C16orf89: variants seen among roughly 807,000 people sequenced by gnomAD.
C16orf89 encodes chromosome 16 open reading frame 89.
Under a neutral mutation model 41.5 loss-of-function variants are expected in C16orf89, and 57 were observed. The observed-to-expected ratio is 1.38, with a 90% confidence interval of 1.11 to 1.71. C16orf89 has a LOEUF of 1.71. C16orf89 is among the 40% of genes most tolerant of loss of function. C16orf89 has a pLI of 0.00. For synonymous variants in C16orf89, 223 were observed against 190.6 expected (o/e 1.17, Z -1.40); for missense variants, 575 against 445.9 (o/e 1.29, Z -2.61).
At chr16:5,060,624 AT>A (rs2142663918) in intron 2 of C16orf89, among the ~76,000 whole-genome samples, 188 bp from the exon 3 acceptor site, 2 of 152,104 alleles carry the variant, frequency 1.3e-5, no homozygotes, top group East Asian at 3.9e-4. Flanking sequence ...TTATAAAACC[AT>A]TTTTTCCCCT....
intron 4 of C16orf89, among the ~76,000 whole-genome samples, chr16:5,057,288 A>AAG (rs1235509539): frequency 1.6e-5 from 2 of 126,430 alleles, no homozygotes; most frequent in South Asian, 4.8e-4. Context: ...GTATATATAT[A>AAG]TGTGTATATA....
At chr16:5,053,432 A>G (rs1956433898) in intron 6 of C16orf89, among the ~76,000 whole-genome samples, 1 of 151,584 alleles carries the variant, frequency 6.6e-6, no homozygotes, top group Admixed American at 6.6e-5. Context: ...GATGGGGGAG[A>G]GGAGATAACC....
chr16:5,044,696 T>C (rs1471960363), intron 7 of C16orf89: 4 of 1,052,774 alleles, frequency 3.8e-6, no homozygotes, highest in Non-Finnish European at 5.3e-6. Context: ...ATATAAAAAT[T>C]AGCCAGGTAT....
intron 4 of C16orf89, among the ~76,000 whole-genome samples, chr16:5,058,036 C>T (rs527530973): frequency 2.0e-5 from 3 of 152,236 alleles, no homozygotes; most frequent in Non-Finnish European, 2.9e-5. Flanking sequence ...ACTTCTCCCT[C>T]CTGAGGTCCC....
Position 5,058,589 on chromosome 16 carries a change from G to T in C16orf89, c.531C>A (p.Cys177Ter), listed in dbSNP as rs778333338. 3.7e-6 allele frequency: 6 copies of T among 1,611,508 alleles called. No homozygotes were observed. Among genetic ancestry groups the T allele is most frequent in the South Asian group, 3.3e-5 (3 of 90,966 alleles). Residue 177 changes from cysteine to a stop codon, truncating the protein, a stop_gained, in exon 4 of 8, where the codon TGC becomes TGA. Transcript: ENST00000472572. LOFTEE classifies it high-confidence loss of function. ...GGCTCCTGCAGAGGTCTGAGAGGCC[G>T]CAGGGCTCGCTGCTGTCCGTCCTGG... is the stretch of plus-strand genomic sequence containing the variant. Reference protein sequence around the residue: ...LGTGTDSSEPCGLSDLCRSLM... With the variant: ...LGTGTDSSEP
At chr16:5,057,049 C>A (rs1956522758) in intron 4 of C16orf89, among the ~76,000 whole-genome samples, 1 of 151,750 alleles carries the variant, frequency 6.6e-6, no homozygotes, top group Non-Finnish European at 1.5e-5. Flanking sequence ...ACCAGCCTGG[C>A]CAACATGGTG....
At chr16:5,052,099 C>CAAAA (rs35641084) in intron 6 of C16orf89, among the ~76,000 whole-genome samples, 66 of 78,316 alleles carry the variant, frequency 8.4e-4, no homozygotes, top group Non-Finnish European at 1.1e-3. Context: ...GAGACTGTCT[C>CAAAA]AAAAAAAAAA....
intron 4 of C16orf89, among the ~76,000 whole-genome samples, chr16:5,057,294 A>G (rs200568101): frequency 1.2e-3 from 114 of 98,694 alleles, no homozygotes; most frequent in African/African-American, 3.6e-3. Context: ...ATATATGTGT[A>G]TATATATATA....
chr16:5,050,642 T>G (rs2142617045), intron 6 of C16orf89, among the ~76,000 whole-genome samples: 1 of 152,184 alleles, frequency 6.6e-6, no homozygotes, highest in East Asian at 1.9e-4. Flanking sequence ...TTCTACAAGT[T>G]CAGCATTACC....
rs1207942164 is a variant in C16orf89, at chr16:5,055,254, C to A, written c.860G>T (p.Gly287Val). Residue 287 changes from glycine (G) to valine (V), a missense_variant, in exon 6 of 8, where the codon GGG becomes GTG. Transcript: ENST00000472572. The stretch of plus-strand genomic sequence containing the variant: ...GCAGCAGCGCAGCTCACCAGGCTCC[C>A]CGAAGCATCCTTCCTGCTGTTTCTG... ...SWQKQQEGCF[G>V]EPDAEDEELS... 1 of 1,610,628 alleles carries A rather than the reference C, an allele frequency of 6.2e-7. No homozygotes were observed. The highest frequency in any genetic ancestry group is 1.1e-5 in the South Asian group (1 of 90,654).
At chr16:5,065,128 G>A (rs146070791) in intron 1 of C16orf89, among the ~76,000 whole-genome samples, 7 of 152,124 alleles carry the variant, frequency 4.6e-5, no homozygotes, top group Non-Finnish European at 5.9e-5. Flanking sequence ...GTGTGCGTGC[G>A]TGCATGTGTG....
chr16:5,061,752 G>A (rs575789727), intron 2 of C16orf89, among the ~76,000 whole-genome samples: 1 of 152,252 alleles, frequency 6.6e-6, no homozygotes, highest in Admixed American at 6.5e-5. Context: ...CATGAAGCGT[G>A]GCCTGGCTAC....
intron 6 of C16orf89, among the ~76,000 whole-genome samples, chr16:5,052,384 A>G (rs1221124237): frequency 3.3e-5 from 5 of 152,110 alleles, no homozygotes; most frequent in Admixed American, 6.5e-5. Flanking sequence ...GAGCTCAGGA[A>G]TTCTGGATCA....
rs554435788 is a variant in C16orf89 at position 5,062,279 on chromosome 16, C to A, written c.358+146G>T. On this transcript the variant is annotated intron_variant, in intron 2 of 7. Transcript: ENST00000472572. Reference sequence around the variant, plus strand: ...ATGACCGCACGTCCCCAGGGCTCGTCTGTGGCTTGCTCAGCAGACAGGTCC... The same window carrying A: ...ATGACCGCACGTCCCCAGGGCTCGTATGTGGCTTGCTCAGCAGACAGGTCC... 17 of 1,052,986 alleles carry A rather than the reference C, an allele frequency of 1.6e-5. No homozygotes were observed. The East Asian group carries it at 4.6e-4, about 28-fold the overall frequency. 65.2% of individuals were successfully genotyped at this position (1,052,986 alleles called of 1,614,324 possible).
At chr16:5,055,565 G>T in intron 5 of C16orf89, 1 of 1,171,024 alleles carries the variant, frequency 8.5e-7, no homozygotes, top group Non-Finnish European at 1.2e-6. Context: ...GAGGGCCTTG[G>T]TCAGGGCTGC....
At chr16:5,055,065 G>C (rs1956465490) in intron 6 of C16orf89, among the ~76,000 whole-genome samples, 181 bp downstream of exon 6, 1 of 152,134 alleles carries the variant, frequency 6.6e-6, no homozygotes, top group Non-Finnish European at 1.5e-5. Flanking sequence ...CCACATTTTG[G>C]CTTCCAAGGC....
At chr16:5,044,924 C>G (rs568388052) in intron 7 of C16orf89, 59 of 1,227,124 alleles carry the variant, frequency 4.8e-5, no homozygotes, top group Non-Finnish European at 6.1e-5. Context: ...CTCCCTTAGG[C>G]CCCTTTTGCT....
At position 5,055,296 on chromosome 16, in the gene C16orf89, T is replaced by C. The variant is rs1274281303; in HGVS notation, c.818A>G (p.Glu273Gly). The change falls in exon 6 of 8, where the codon GAG becomes GGG. Residue 273 changes from glutamate (E) to glycine (G), a missense_variant. Physicochemically the swap from Glu to Gly is moderately conservative, Grantham distance 98. Coordinates refer to ENST00000472572, the MANE Select transcript of C16orf89 (RefSeq NM_001098514.3). ...FSDFYKLRWLEAILSWQKQQE... is the reference protein window; with the variant it reads ...FSDFYKLRWLGAILSWQKQQE... ...CTGTTTCTGCCAGCTGAGAATGGCC[T>C]CCAGCCACCGGAGCTTGTAGAAGTC... 1 of 1,613,462 alleles carries C rather than the reference T, an allele frequency of 6.2e-7. No homozygotes were observed. The highest frequency in any genetic ancestry group is 1.1e-5 in the South Asian group (1 of 90,986).
intron 3 of C16orf89, among the ~76,000 whole-genome samples, chr16:5,058,968 G>A (rs148252248): frequency 2.0e-4 from 30 of 152,184 alleles, no homozygotes; most frequent in African/African-American, 6.7e-4. Context: ...AGCCAGGCGC[G>A]GTGGCTTACA....
Sources: gnomAD v4.1 joint callset for allele counts (sites outside exome capture counted in the v4.1 genomes callset) on GRCh38, gnomAD v4.1.1 for gene constraint, MANE v1.5 for transcripts, NCBI Gene and HGNC (gene_info 2026-07-23, HGNC 2026-07-21) for gene names.